Variants in ADAM10 observed in about 807,000 individuals in gnomAD.
The protein encoded by ADAM10 is ADAM metallopeptidase domain 10.
In ADAM10, 17 loss-of-function variants were observed where a neutral mutation model predicts 90.1. The observed-to-expected ratio is 0.19, with a 90% confidence interval of 0.13 to 0.28. ADAM10 has a LOEUF of 0.28. Ranked by LOEUF, ADAM10 falls within the 10% of genes least tolerant of loss-of-function variation. The pLI, the probability that ADAM10 is intolerant of heterozygous loss-of-function variation, is 1.00. For synonymous variants in ADAM10, 310 were observed against 298.6 expected (o/e 1.04, Z -0.40); for missense variants, 610 against 914.3 (o/e 0.67, Z 4.29).
intron 5 of ADAM10, among the ~76,000 whole-genome samples, chr15:58,652,501 T>C (rs2140707116): frequency 6.6e-6 from 1 of 152,290 alleles, no homozygotes; most frequent in South Asian, 2.1e-4. Flanking sequence ...AGAGATTGTC[T>C]TTACCCCAAT....
chr15:58,670,027 T>C (rs1275855254), intron 4 of ADAM10, among the ~76,000 whole-genome samples: 9 of 152,068 alleles, frequency 5.9e-5, no homozygotes, highest in Admixed American at 4.6e-4. Context: ...TTAAATGCTA[T>C]GATAGTTTCA....
chr15:58,646,293 T>C lies in ADAM10; in HGVS notation c.586-89A>G, dbSNP rs545656252. ...AGAATACATACTATAAACAATTTCA[T>C]ATTCTGCTTTATATAACACCATAGG... On this transcript the variant is annotated intron_variant, in intron 5 of 15. Coordinates refer to ENST00000260408, the MANE Select transcript of ADAM10 (RefSeq NM_001110.4). 60 of 1,303,336 alleles carry C rather than the reference T, an allele frequency of 4.6e-5. No homozygotes were observed. The South Asian group carries it at 7.0e-4, about 15-fold the overall frequency. The allele number at this position is 1,303,336 out of a possible 1,614,324, so 80.7% of individuals were successfully genotyped here.
At chr15:58,689,923 T>C (rs1184612638) in intron 2 of ADAM10, among the ~76,000 whole-genome samples, 1 of 140,992 alleles carries the variant, frequency 7.1e-6, no homozygotes, top group Admixed American at 7.4e-5. Context: ...TGGCTCACTC[T>C]GATTCCAAAA....
At chr15:58,664,663 G>GA (rs1239758342) in intron 5 of ADAM10, among the ~76,000 whole-genome samples, 1 of 151,882 alleles carries the variant, frequency 6.6e-6, no homozygotes, top group African/African-American at 2.4e-5. Flanking sequence ...AAAAGGAAGG[G>GA]AAAAAAATAA....
intron 2 of ADAM10, among the ~76,000 whole-genome samples, chr15:58,705,920 A>G (rs1340008499): frequency 6.6e-6 from 1 of 152,146 alleles, no homozygotes; most frequent in Admixed American, 6.5e-5. Flanking sequence ...CCCTTACTGT[A>G]CCTAATTTGT....
intron 4 of ADAM10, among the ~76,000 whole-genome samples, chr15:58,677,877 G>T (rs1017187439): frequency 3.3e-5 from 5 of 152,100 alleles, no homozygotes; most frequent in South Asian, 2.1e-4. Flanking sequence ...AACTATACCT[G>T]AAGAACTTAC....
In ADAM10 at chr15:58,679,159, G is replaced by A; in HGVS notation, c.449C>T (p.Pro150Leu). The A allele has an allele frequency of 6.2e-7, 1 of 1,613,848 alleles. No homozygotes were observed. Residue 150 changes from proline (P) to leucine (L), a missense_variant, in exon 4 of 16, where the codon CCA (proline) becomes CTA (leucine). By Grantham distance (98) the Pro-to-Leu change is moderately conservative. This residue lies in a region of ADAM10 where 310 missense variants were observed against 362.4 expected (regional missense o/e 0.86). Coordinates refer to ENST00000260408, the MANE Select transcript of ADAM10 (RefSeq NM_001110.4). ...TTCATGATAAATGACAGAGTGAAAT[G>A]GCAGAGTTCGGTCTTTAATATATCT... ...AERYIKDRTL[P>L]FHSVIYHEDD...
At chr15:58,692,204 T>C (rs755589561) in intron 2 of ADAM10, 1 of 566,452 alleles carries the variant, frequency 1.8e-6, no homozygotes, top group East Asian at 4.6e-5. Context: ...TGATGAGGGA[T>C]GAACAGCAAT....
At chr15:58,627,338 G>T (rs1343779327) in intron 10 of ADAM10, among the ~76,000 whole-genome samples, 2 of 152,118 alleles carry the variant, frequency 1.3e-5, no homozygotes, top group African/African-American at 4.8e-5. Flanking sequence ...ATCTTGATAG[G>T]TAGTTTACAA....
intron 2 of ADAM10, among the ~76,000 whole-genome samples, chr15:58,696,321 T>C (rs551042644): frequency 5.3e-5 from 8 of 151,794 alleles, no homozygotes; most frequent in African/African-American, 1.4e-4. Flanking sequence ...TTGTATGCTA[T>C]ACACCCTACC....
intron 2 of ADAM10, chr15:58,691,243 T>G (rs770228482): frequency 3.1e-6 from 3 of 965,490 alleles, no homozygotes; most frequent in Admixed American, 3.5e-5. Flanking sequence ...TCCTCCATTA[T>G]CTTCTTCTCC....
chr15:58,691,987 A>G, intron 2 of ADAM10: 2 of 449,126 alleles, frequency 4.5e-6, no homozygotes, highest in East Asian at 6.9e-5. Flanking sequence ...GCATTTCTTA[A>G]CAATGTTTTT....
At chr15:58,612,691 T>C (rs1595990100) in intron 11 of ADAM10, among the ~76,000 whole-genome samples, 1 of 152,194 alleles carries the variant, frequency 6.6e-6, no homozygotes, top group Non-Finnish European at 1.5e-5. Context: ...GCTCCGAAAT[T>C]ACTGCCATGC....
intron 8 of ADAM10, among the ~76,000 whole-genome samples, chr15:58,638,387 G>A (rs1357385578): frequency 9.2e-5 from 14 of 151,720 alleles, no homozygotes; most frequent in African/African-American, 2.7e-4. Context: ...AAATAGAGGC[G>A]GGCGGATCAC....
intron 10 of ADAM10, among the ~76,000 whole-genome samples, chr15:58,623,707 A>C (rs1596001553): frequency 6.6e-6 from 1 of 152,228 alleles, no homozygotes; most frequent in South Asian, 2.1e-4. Flanking sequence ...GAAAACTAAC[A>C]CAGGAACAGA....
At chr15:58,624,642 T>C (rs1416953910) in intron 10 of ADAM10, among the ~76,000 whole-genome samples, 1 of 152,094 alleles carries the variant, frequency 6.6e-6, no homozygotes, top group African/African-American at 2.4e-5. Flanking sequence ...AGCAATTTCT[T>C]GTGCCTCAGC....
intron 9 of ADAM10, among the ~76,000 whole-genome samples, chr15:58,631,282 C>G (rs1201488718): frequency 6.6e-6 from 1 of 152,154 alleles, no homozygotes; most frequent in Non-Finnish European, 1.5e-5. Context: ...CAGATGAAGA[C>G]AACCATCTAC....
chr15:58,748,781 G>T lies in ADAM10; in HGVS notation c.55+699C>A, dbSNP rs1595677848. 9 of 396,942 alleles carry T rather than the reference G, an allele frequency of 2.3e-5. No individual in the cohort carries two copies. The East Asian group carries it at 2.9e-4, about 13-fold the overall frequency. The allele number at this position is 396,942 out of a possible 1,614,324, so 24.6% of individuals were successfully genotyped here. A position where few individuals can be genotyped will look rare whatever the true frequency, so the allele number is the denominator to read the frequency against. On this transcript the variant is annotated intron_variant, in intron 1 of 15. Coordinates refer to ENST00000260408, the MANE Select transcript of ADAM10 (RefSeq NM_001110.4). ...CCCCTGGGCGACAGAATGTTTTCAA[G>T]AACACCAACACACCCTCCTGTGATC... is the stretch of plus-strand genomic sequence containing the variant.
chr15:58,599,619 G>GC lies in ADAM10; in HGVS notation c.2130dup (p.Pro711AlafsTer4). 6.2e-7 allele frequency: 1 copy of GC among 1,613,336 alleles called. No individual in the cohort carries two copies. The highest frequency in any genetic ancestry group is 8.5e-7 in the Non-Finnish European group (1 of 1,179,638). ...TTACCTGGAAGTGGTTTAGGAGGAGGCAACTTTGGATTACTACTTGGAGTA... is the reference window on the plus strand; with the variant it reads ...TTACCTGGAAGTGGTTTAGGAGGAGGCCAACTTTGGATTACTACTTGGAGTA... On this transcript the variant is annotated frameshift_variant, in exon 15 of 16. Coordinates refer to ENST00000260408, the MANE Select transcript of ADAM10 (RefSeq NM_001110.4). LOFTEE classifies it high-confidence loss of function.
Sources: gnomAD v4.1 joint callset for allele counts (sites outside exome capture counted in the v4.1 genomes callset) on GRCh38, gnomAD v4.1.1 for gene constraint, gnomAD v4.1.1 regional missense constraint, MANE v1.5 for transcripts, NCBI Gene and HGNC (gene_info 2026-07-23, HGNC 2026-07-21) for gene names.